AGAP1: variants seen among roughly 807,000 people sequenced by gnomAD.
AGAP1 encodes arf-GAP with GTPase, ANK repeat and PH domain-containing protein 1.
AGAP1 carries 29 observed loss-of-function variants against 105.3 expected under a neutral mutation model. The observed-to-expected ratio is 0.28, with a 90% CI of 0.21 to 0.38. AGAP1 has a LOEUF of 0.38. Among genes scored for constraint, AGAP1 ranks in the 10% least tolerant of loss-of-function variants. The pLI is 1.00. For synonymous variants in AGAP1, 509 were observed against 485.9 expected, an observed-to-expected ratio of 1.05 and a Z score of -0.63; for missense variants, 998 against 1,165.1, an observed-to-expected ratio of 0.86 and a Z score of 2.09.
At position 235,690,767 on chromosome 2, in the gene AGAP1, C is replaced by T. The variant is rs1050228619; in HGVS notation, c.164-18412C>T. Among the ~76,000 whole-genome samples, 5 of 152,102 alleles carry T rather than the reference C, an allele frequency of 3.3e-5. No individual in the cohort carries two copies. The highest frequency in any genetic ancestry group is 7.2e-5 in the African/African-American group (3 of 41,420). On this transcript the variant is annotated intron_variant, in intron 1 of 17. Transcript: ENST00000304032. This position sits in a 1 kb window ranked among gnomAD's most constrained non-coding sequence, Gnocchi z 4.1. ...GTATACTGACTTTTTGTTGCTTTTA[C>T]GGTTATCTTCGGGTAAAGTCATTGT... is the stretch of plus-strand genomic sequence containing the variant.
chr2:235,946,149 A>T (rs111805169), intron 12 of AGAP1, among the ~76,000 whole-genome samples: 1 of 152,052 alleles, frequency 6.6e-6, no homozygotes, highest in Admixed American at 6.5e-5. Context: ...AAATGCAGAT[A>T]AGCTCTTTGG....
In AGAP1 at chr2:235,734,162, G is replaced by C. The variant is rs937302340; in HGVS notation, c.311-6801G>C. The stretch of plus-strand genomic sequence containing the variant: ...TCATCCCACTTGTTAAAAATAATTA[G>C]GGAATAATACAGTTTGCAGATTTTC... On this transcript the variant is annotated intron_variant, in intron 3 of 17. Transcript: ENST00000304032. This position sits in a 1 kb window ranked among gnomAD's most constrained non-coding sequence, Gnocchi z 5.3. 6.6e-6 allele frequency among the ~76,000 whole-genome samples: 1 copy of C among 152,192 alleles called. No homozygotes were observed. Among genetic ancestry groups the C allele is most frequent in the African/African-American group, 2.4e-5 (1 of 41,438 alleles).
intron 1 of AGAP1, chr2:235,670,131 C>A (rs749908667): frequency 1.7e-6 from 1 of 576,374 alleles, no homozygotes; most frequent in South Asian, 1.8e-5. Context: ...GGCGAGCCCG[C>A]GTCGCCACCC....
At chr2:235,560,284 C>T (rs992371232) in intron 1 of AGAP1, among the ~76,000 whole-genome samples, 7 of 152,070 alleles carry the variant, frequency 4.6e-5, no homozygotes, top group Non-Finnish European at 1.0e-4. Flanking sequence ...ATGCTTAGAT[C>T]ATTTGATTGA....
Position 235,655,313 on chromosome 2 carries a change from T to G in AGAP1, c.164-53866T>G, listed in dbSNP as rs1159489140. 1.3e-5 allele frequency among the ~76,000 whole-genome samples: 2 copies of G among 152,128 alleles called. No individual in the cohort carries two copies. The highest frequency in any genetic ancestry group is 2.9e-5 in the Non-Finnish European group (2 of 68,018). On this transcript the variant is annotated intron_variant, in intron 1 of 17. Transcript: ENST00000304032. This position sits in a 1 kb window ranked among gnomAD's most constrained non-coding sequence, Gnocchi z 4.3. Reference sequence around the variant, plus strand: ...AGCCTGGTATATGCATTCCTTGTGGTGTGTATTAATAAATTGAGTAGGTGA... The same window carrying G: ...AGCCTGGTATATGCATTCCTTGTGGGGTGTATTAATAAATTGAGTAGGTGA...
chr2:236,018,266 C>T (rs776860295), intron 13 of AGAP1, among the ~76,000 whole-genome samples: 27 of 152,324 alleles, frequency 1.8e-4, no homozygotes, highest in Middle Eastern at 3.4e-3. Flanking sequence ...CAATTAACAG[C>T]TGTCTCCCAA....
rs72988926 is a variant in AGAP1, at chr2:235,608,658, G to A, written c.164-100521G>A. Among the ~76,000 whole-genome samples the A allele has an allele frequency of 0.024, 3,610 of 152,316 alleles. 83 individuals are homozygous for A. Among genetic ancestry groups the A allele is most frequent in the Non-Finnish European group, 0.031 (2,114 of 68,038 alleles). Reference sequence around the variant, plus strand: ...CCCAGAAAACAGTGGAGCCAAGAGAGGAACGAGGTCTCTGGATTCCGGACG... The same window carrying A: ...CCCAGAAAACAGTGGAGCCAAGAGAAGAACGAGGTCTCTGGATTCCGGACG... On this transcript the variant is annotated intron_variant, in intron 1 of 17. Transcript: ENST00000304032. The surrounding 1 kb of genome is among the most constrained non-coding windows in gnomAD (Gnocchi z 5.4).
At chr2:235,987,561 C>G (rs1466460130) in intron 13 of AGAP1, among the ~76,000 whole-genome samples, 1 of 136,384 alleles carries the variant, frequency 7.3e-6, no homozygotes, top group Admixed American at 7.9e-5. Context: ...CAATTCTTCT[C>G]TGATCTTAGT....
rs1214088928 is a variant in AGAP1 at position 235,883,401 on chromosome 2, T to C, written c.1107T>C (p.Tyr369=). 6.2e-6 allele frequency: 10 copies of C among 1,614,042 alleles called. No homozygotes were observed. Among genetic ancestry groups the C allele is most frequent in the African/African-American group, 1.3e-5 (1 of 74,906 alleles). ...KSLNKEWKKK[Y]VTLCDNGVLT... ...TGAATAAAGAGTGGAAAAAGAAATA[T>C]GTCACCCTGTGTGACAATGGCGTGC... The change falls in exon 10 of 18, where the codon TAT becomes TAC. Residue 369 remains tyrosine, a synonymous_variant. Transcript: ENST00000304032. The surrounding 1 kb of genome is among the most constrained non-coding windows in gnomAD (Gnocchi z 4.5).
chr2:235,619,253 C>T (rs1458129372), intron 1 of AGAP1, among the ~76,000 whole-genome samples: 2 of 152,234 alleles, frequency 1.3e-5, no homozygotes, highest in Non-Finnish European at 2.9e-5. Flanking sequence ...GCGATCCCCA[C>T]TTTACCATGA....
chr2:235,948,466 C>T (rs938594664), intron 12 of AGAP1, among the ~76,000 whole-genome samples: 1 of 152,184 alleles, frequency 6.6e-6, no homozygotes, highest in Non-Finnish European at 1.5e-5. Flanking sequence ...GCATTATAGA[C>T]GTGAGCCACT....
At chr2:236,117,062 CGTGT>C (rs1422857707) in intron 16 of AGAP1, among the ~76,000 whole-genome samples, 1 of 152,134 alleles carries the variant, frequency 6.6e-6, no homozygotes, top group African/African-American at 2.4e-5. Flanking sequence ...CTGCTATAAA[CGTGT>C]GTGTAAGTAT....
intron 2 of AGAP1, among the ~76,000 whole-genome samples, chr2:235,711,792 C>G (rs573581601): frequency 7.7e-4 from 118 of 152,278 alleles, no homozygotes; most frequent in Middle Eastern, 3.4e-3. Context: ...TATAGGGCTG[C>G]AATTGTTTCC....
intron 11 of AGAP1, among the ~76,000 whole-genome samples, chr2:235,917,370 C>T (rs370576835): frequency 6.6e-6 from 1 of 152,140 alleles, no homozygotes; most frequent in South Asian, 2.1e-4. Context: ...CCATAAAAAA[C>T]CAAACTAATA....
chr2:235,656,124 C>G (rs1051026600), intron 1 of AGAP1, among the ~76,000 whole-genome samples: 5 of 152,150 alleles, frequency 3.3e-5, no homozygotes, highest in Non-Finnish European at 7.3e-5. Context: ...CTCAGGGGGC[C>G]GCTCCTGCTG....
chr2:235,947,879 A>T (rs2053565898), intron 12 of AGAP1, among the ~76,000 whole-genome samples: 1 of 152,254 alleles, frequency 6.6e-6, no homozygotes, highest in Non-Finnish European at 1.5e-5. Context: ...TGGTACTATT[A>T]TCCTCATTTT....
At chr2:235,742,651 G>A (rs891447864) in intron 4 of AGAP1, among the ~76,000 whole-genome samples, 1 of 152,168 alleles carries the variant, frequency 6.6e-6, no homozygotes, top group Non-Finnish European at 1.5e-5. Context: ...TGAATGTATA[G>A]GACCGTGTTT....
intron 1 of AGAP1, among the ~76,000 whole-genome samples, chr2:235,514,286 T>C (rs1231685102): frequency 6.6e-6 from 1 of 152,266 alleles, no homozygotes; most frequent in Non-Finnish European, 1.5e-5. Context: ...CTCAACCTGC[T>C]TAAGCCTTTA....
Position 235,549,555 on chromosome 2 carries a change from G to C in AGAP1, c.163+54706G>C, listed in dbSNP as rs1387368587. On this transcript the variant is annotated intron_variant, in intron 1 of 17. Coordinates refer to ENST00000304032, the MANE Select transcript of AGAP1 (RefSeq NM_001037131.3). The surrounding 1 kb of genome is among the most constrained non-coding windows in gnomAD (Gnocchi z 4.2). ...CCTTTTTCACGTACAGAGTTGCATT[G>C]CTCCTCCGTCTTCCGCGTGCCTGTG... Among the ~76,000 whole-genome samples, 6 of 152,254 alleles carry C rather than the reference G, an allele frequency of 3.9e-5. No homozygotes were observed. The highest frequency in any genetic ancestry group is 1.4e-4 in the African/African-American group (6 of 41,544).
Sources: gnomAD v4.1 joint callset for allele counts (sites outside exome capture counted in the v4.1 genomes callset) on GRCh38, gnomAD v4.1.1 for gene constraint, Gnocchi (gnomAD v3.1) non-coding constraint, MANE v1.5 for transcripts, NCBI Gene and HGNC (gene_info 2026-07-23, HGNC 2026-07-21) for gene names.